KLHL29: variants seen among roughly 807,000 people sequenced by gnomAD.
KLHL29 encodes kelch like family member 29.
Under a neutral mutation model 80.4 loss-of-function variants are expected in KLHL29, and 21 were observed. That is an observed-to-expected ratio of 0.26 (90% CI 0.19 to 0.38). The LOEUF (loss-of-function observed/expected upper bound fraction) is 0.38, where lower values mean the gene tolerates loss of function less well. KLHL29 is among the 10% of genes least tolerant of loss of function. KLHL29 has a pLI of 1.00. For synonymous variants in KLHL29, 511 were observed against 526.8 expected, an observed-to-expected ratio of 0.97 and a Z score of 0.41; for missense variants, 867 against 1,223.9, an observed-to-expected ratio of 0.71 and a Z score of 4.35.
intron 2 of KLHL29, among the ~76,000 whole-genome samples, chr2:23,549,403 G>A (rs1013742944): frequency 6.6e-6 from 1 of 152,094 alleles, no homozygotes; most frequent in Non-Finnish European, 1.5e-5. Context: ...TCGTTTGCAT[G>A]CTTGGGTGGT....
chr2:23,664,142 C>T (rs540029214), intron 5 of KLHL29, among the ~76,000 whole-genome samples: 2 of 152,256 alleles, frequency 1.3e-5, no homozygotes, highest in South Asian at 2.1e-4. Context: ...TAGGAAGATC[C>T]GTAATGCCAC....
At chr2:23,522,480 T>C (rs962946925) in intron 2 of KLHL29, among the ~76,000 whole-genome samples, 3 of 152,104 alleles carry the variant, frequency 2.0e-5, no homozygotes, top group African/African-American at 7.2e-5. Context: ...TTTTTGAATT[T>C]TGGTTATGTT....
chr2:23,397,828 G>T (rs975176343), intron 1 of KLHL29, among the ~76,000 whole-genome samples: 1 of 152,172 alleles, frequency 6.6e-6, no homozygotes, highest in Admixed American at 6.5e-5. Context: ...TCCAGAGAAG[G>T]TATACCAATG....
intron 2 of KLHL29, among the ~76,000 whole-genome samples, chr2:23,556,923 G>A (rs1243309969): frequency 1.3e-5 from 2 of 152,214 alleles, no homozygotes; most frequent in African/African-American, 4.8e-5. Context: ...ACAGGTGCTA[G>A]CAAAGCACTA....
chr2:23,702,094 A>G (rs1217145031), intron 11 of KLHL29, among the ~76,000 whole-genome samples: 1 of 151,700 alleles, frequency 6.6e-6, no homozygotes, highest in Non-Finnish European at 1.5e-5. Flanking sequence ...AAGTGCTGGG[A>G]TGATAGGCGT....
intron 3 of KLHL29, among the ~76,000 whole-genome samples, chr2:23,600,785 C>G (rs1668550474): frequency 6.6e-6 from 1 of 152,200 alleles, no homozygotes; most frequent in African/African-American, 2.4e-5. Context: ...ACAGAGTCCT[C>G]TCTGCCAGAA....
intron 11 of KLHL29, among the ~76,000 whole-genome samples, chr2:23,698,202 C>T (rs1672102002): frequency 6.6e-6 from 1 of 152,178 alleles, no homozygotes; most frequent in African/African-American, 2.4e-5. Context: ...GCGAGACCAC[C>T]CCGGGAACCC....
chr2:23,704,779 G>A (rs1572540933), intron 13 of KLHL29, among the ~76,000 whole-genome samples: 1 of 152,078 alleles, frequency 6.6e-6, no homozygotes, highest in Non-Finnish European at 1.5e-5. Flanking sequence ...AAAAAAGAAG[G>A]GGCCTCAGAA....
At chr2:23,412,798 C>T (rs2103396214) in intron 1 of KLHL29, among the ~76,000 whole-genome samples, 1 of 152,262 alleles carries the variant, frequency 6.6e-6, no homozygotes, top group Middle Eastern at 3.4e-3. Flanking sequence ...CCACTTGTCT[C>T]CTCCGCAAGA....
chr2:23,632,597 G>A (rs1669497585), intron 3 of KLHL29, among the ~76,000 whole-genome samples: 1 of 152,258 alleles, frequency 6.6e-6, no homozygotes, highest in African/African-American at 2.4e-5. Context: ...TCCCCCCAGG[G>A]CAAGCCAGGG....
intron 1 of KLHL29, among the ~76,000 whole-genome samples, chr2:23,441,978 A>G (rs1239409522): frequency 6.6e-6 from 1 of 152,076 alleles, no homozygotes; most frequent in Non-Finnish European, 1.5e-5. Context: ...ATCGCAGAAA[A>G]CTGAGTATGT....
In KLHL29 at chr2:23,684,647, GA is replaced by G; in HGVS notation, c.1079+111del. 1.1e-6 allele frequency: 1 copy of G among 940,290 alleles called. No individual in the cohort carries two copies. The highest frequency in any genetic ancestry group is 1.5e-6 in the Non-Finnish European group (1 of 657,708). The allele number at this position is 940,290 out of a possible 1,614,324, so 58.2% of individuals were successfully genotyped here. A position where few individuals can be genotyped will look rare whatever the true frequency, so the allele number is the denominator to read the frequency against. On this transcript the variant is annotated intron_variant, in intron 6 of 13. Coordinates refer to ENST00000486442, the MANE Select transcript of KLHL29 (RefSeq NM_052920.2). The surrounding 1 kb of genome is among the most constrained non-coding windows in gnomAD (Gnocchi z 4.4). ...TCCTGAAGCGTGACTCCCTGTCACA[GA>G]GCCAGTAGCCATCTCTCCTCCTCCT...
chr2:23,703,287 G>C lies in KLHL29; in HGVS notation c.2207G>C (p.Gly736Ala), dbSNP rs1399474810. 2 of 1,549,480 alleles carry C rather than the reference G, an allele frequency of 1.3e-6. No homozygotes were observed. Among genetic ancestry groups the C allele is most frequent in the Admixed American group, 2.0e-5 (1 of 50,822 alleles). Residue 736 changes from glycine (G) to alanine (A), a missense_variant, in exon 12 of 14, where the codon GGT becomes GCT. Physicochemically the swap from Gly to Ala is moderately conservative, Grantham distance 60 (BLOSUM62 0). This residue lies in a region of KLHL29 where 443 missense variants were observed against 767.0 expected (regional missense o/e 0.58). Transcript: ENST00000486442. ...TGTGGCGGCAAGATCTACGTGTTTG[G>C]TGGGGTGAACGAGGCAGGCCGAGCT... Reference protein sequence around the residue: ...TVCGGKIYVFGGVNEAGRAAG... With the variant: ...TVCGGKIYVFAGVNEAGRAAG...
At chr2:23,386,230 C>T (rs556090015) in intron 1 of KLHL29, among the ~76,000 whole-genome samples, 1 of 152,100 alleles carries the variant, frequency 6.6e-6, no homozygotes, top group African/African-American at 2.4e-5. Context: ...CAGGGGCGGC[C>T]GCGCGCACTG....
chr2:23,703,625 C>G, intron 12 of KLHL29, 94 bp from the exon 13 acceptor site: 1 of 1,395,368 alleles, frequency 7.2e-7, no homozygotes, highest in Non-Finnish European at 9.5e-7. Flanking sequence ...GGAAGTCTTT[C>G]GAGCTTCCTT....
chr2:23,643,993 T>C (rs1669850840), intron 5 of KLHL29: 1 of 152,194 alleles, frequency 6.6e-6, no homozygotes, highest in Non-Finnish European at 1.5e-5. Context: ...CACTCTCCTG[T>C]CTTCTCTCCC....
At chr2:23,657,964 G>A (rs896555727) in intron 5 of KLHL29, among the ~76,000 whole-genome samples, 1 of 152,128 alleles carries the variant, frequency 6.6e-6, no homozygotes, top group African/African-American at 2.4e-5. Flanking sequence ...TGGGCTTTGC[G>A]GAGCCACGGG....
chr2:23,481,108 A>G (rs948801378), intron 2 of KLHL29, among the ~76,000 whole-genome samples: 1 of 152,188 alleles, frequency 6.6e-6, no homozygotes, highest in Admixed American at 6.5e-5. Flanking sequence ...TCTCATACCC[A>G]GGCTACATAC....
At chr2:23,618,159 T>C (rs74935307) in intron 3 of KLHL29, among the ~76,000 whole-genome samples, 23 of 152,294 alleles carry the variant, frequency 1.5e-4, no homozygotes, top group African/African-American at 5.1e-4. Context: ...CTTAGTATTA[T>C]TGTTTGGGCC....
Sources: gnomAD v4.1 joint callset for allele counts (sites outside exome capture counted in the v4.1 genomes callset) on GRCh38, gnomAD v4.1.1 for gene constraint, gnomAD v4.1.1 regional missense constraint, Gnocchi (gnomAD v3.1) non-coding constraint, MANE v1.5 for transcripts, NCBI Gene and HGNC (gene_info 2026-07-23, HGNC 2026-07-21) for gene names.